The following SRRM4 variants were observed in gnomAD, a reference collection of about 807,000 sequenced individuals.
SRRM4 encodes serine/arginine repetitive matrix 4.
Under a neutral mutation model 68.9 loss-of-function variants are expected in SRRM4, and 33 were observed. That is an observed-to-expected ratio of 0.48 (90% CI 0.36 to 0.64). The LOEUF (loss-of-function observed/expected upper bound fraction) is 0.64, where lower values mean the gene tolerates loss of function less well. Ranked by LOEUF, SRRM4 falls within the 30% of genes least tolerant of loss-of-function variation. The probability of loss-of-function intolerance (pLI) is 0.00; values close to 1 mark genes in which losing one functional copy is unlikely to be tolerated. For synonymous variants in SRRM4, 318 were observed against 318.8 expected, an observed-to-expected ratio of 1.00 and a Z score of 0.03; for missense variants, 817 against 827.1, an observed-to-expected ratio of 0.99 and a Z score of 0.15.
At chr12:119,098,196 C>G (rs1185220139) in intron 1 of SRRM4, among the ~76,000 whole-genome samples, 1 of 152,184 alleles carries the variant, frequency 6.6e-6, no homozygotes, top group Non-Finnish European at 1.5e-5. Flanking sequence ...CACCAGCTTG[C>G]CAGCCATATG....
chr12:118,997,730 T>A (rs6490224), intron 1 of SRRM4, among the ~76,000 whole-genome samples: 117,926 of 152,168 alleles, frequency 0.77, 46,252 homozygotes, highest in Middle Eastern at 0.91. Flanking sequence ...AGAGGGAAAA[T>A]ATCCACATAG....
At chr12:119,114,434 G>A in intron 3 of SRRM4, 70 bp downstream of exon 3, 2 of 1,284,888 alleles carry the variant, frequency 1.6e-6, no homozygotes, top group Non-Finnish European at 2.2e-6. Context: ...TTCAAAGTCA[G>A]ACAGTGGCTC....
In SRRM4 at chr12:118,981,873, TG is replaced by T; in HGVS notation, c.-7del. 1 of 1,613,044 alleles carries T rather than the reference TG, an allele frequency of 6.2e-7. No homozygotes were observed. The highest frequency in any genetic ancestry group is 1.3e-5 in the African/African-American group (1 of 75,000). On this transcript the variant is annotated 5_prime_UTR_variant, in exon 1 of 13. Transcript: ENST00000267260. The stretch of plus-strand genomic sequence containing the variant: ...AGCGCCCCGGACGCCCCGGCCCCTT[TG>T]GGTTGGCGATGGCGAGCGTTCAGCA...
At chr12:119,065,074 G>A (rs1169773793) in intron 1 of SRRM4, among the ~76,000 whole-genome samples, 2 of 152,030 alleles carry the variant, frequency 1.3e-5, no homozygotes, top group Admixed American at 6.6e-5. Context: ...AATGAGGTGG[G>A]TACTATTAAC....
At chr12:119,000,463 AT>A (rs2135993026) in intron 1 of SRRM4, among the ~76,000 whole-genome samples, 1 of 152,244 alleles carries the variant, frequency 6.6e-6, no homozygotes, top group South Asian at 2.1e-4. Context: ...TTTCCAATAC[AT>A]TTGACCCCAG....
rs1323395559 is a variant in SRRM4 at position 119,154,667 on chromosome 12, G to A, written c.1532+284G>A. Among the ~76,000 whole-genome samples, 1 of 151,854 alleles carries A rather than the reference G, an allele frequency of 6.6e-6. No homozygotes were observed. The highest frequency in any genetic ancestry group is 1.5e-5 in the Non-Finnish European group (1 of 68,010). On this transcript the variant is annotated intron_variant, in intron 12 of 12. Transcript: ENST00000267260. The surrounding 1 kb of genome is among the most constrained non-coding windows in gnomAD (Gnocchi z 4.7). ...GGCCAAAGCCTGAGGGTGGAGCTGG[G>A]GCCGGGGAGGTGGAGCTGGGGCCGG... is the stretch of plus-strand genomic sequence containing the variant.
chr12:119,045,894 C>G, intron 1 of SRRM4, among the ~76,000 whole-genome samples: 1 of 151,874 alleles, frequency 6.6e-6, no homozygotes, highest in East Asian at 1.9e-4. Flanking sequence ...AAAAATTAGC[C>G]AGGCGTGGTG....
chr12:119,087,721 A>T (rs1307222393), intron 1 of SRRM4, among the ~76,000 whole-genome samples: 1 of 152,176 alleles, frequency 6.6e-6, no homozygotes, highest in Admixed American at 6.5e-5. Context: ...TGGGGGATGC[A>T]GAGACATGAT....
intron 1 of SRRM4, among the ~76,000 whole-genome samples, chr12:119,098,308 G>T (rs1196538643): frequency 6.6e-6 from 1 of 152,206 alleles, no homozygotes; most frequent in Non-Finnish European, 1.5e-5. Flanking sequence ...GAAATATGAG[G>T]TTGAACAGAG....
At chr12:119,026,518 AAATT>A (rs978779936) in intron 1 of SRRM4, among the ~76,000 whole-genome samples, 50 of 152,090 alleles carry the variant, frequency 3.3e-4, no homozygotes, top group African/African-American at 9.4e-4. Context: ...TCCTTTTTCT[AAATT>A]AATTAATGTT....
chr12:119,084,516 T>C (rs1482370739), intron 1 of SRRM4, among the ~76,000 whole-genome samples: 1 of 152,186 alleles, frequency 6.6e-6, no homozygotes, highest in Non-Finnish European at 1.5e-5. Context: ...GTAGCTACAC[T>C]GATAGTGAGA....
chr12:119,129,921 T>TGGATGGA (rs1954283940), intron 7 of SRRM4, among the ~76,000 whole-genome samples: 3 of 63,478 alleles, frequency 4.7e-5, no homozygotes, highest in African/African-American at 1.1e-4. Context: ...GGATGGATGG[T>TGGATGGA]TAGATGGTTA....
chr12:119,012,102 T>A (rs974798583), intron 1 of SRRM4, among the ~76,000 whole-genome samples: 2 of 152,244 alleles, frequency 1.3e-5, no homozygotes, highest in Non-Finnish European at 2.9e-5. Flanking sequence ...TATAAATCAA[T>A]AGTTTTTACA....
chr12:119,109,212 C>T (rs1026870213), intron 2 of SRRM4, among the ~76,000 whole-genome samples: 3 of 152,096 alleles, frequency 2.0e-5, no homozygotes, highest in Non-Finnish European at 2.9e-5. Context: ...GATGGGCTTC[C>T]CTTTGTGGGT....
intron 1 of SRRM4, among the ~76,000 whole-genome samples, chr12:118,996,300 G>T (rs1280511261): frequency 6.6e-6 from 1 of 152,066 alleles, no homozygotes; most frequent in African/African-American, 2.4e-5. Flanking sequence ...GAGGTCTTTT[G>T]CTGTGCATAT....
At chr12:119,114,678 T>C in intron 3 of SRRM4, among the ~76,000 whole-genome samples, 1 of 146,856 alleles carries the variant, frequency 6.8e-6, no homozygotes, top group Non-Finnish European at 1.5e-5. Flanking sequence ...TTTTTTTTTT[T>C]TTTTGAGACG....
At chr12:119,017,661 AG>A (rs1470439915) in intron 1 of SRRM4, among the ~76,000 whole-genome samples, 1 of 152,124 alleles carries the variant, frequency 6.6e-6, no homozygotes, top group Non-Finnish European at 1.5e-5. Context: ...ACAAAGAAAG[AG>A]TGGAGTCCAT....
intron 1 of SRRM4, chr12:118,993,766 G>C (rs1274552485): frequency 6.6e-6 from 1 of 152,228 alleles, no homozygotes; most frequent in Non-Finnish European, 1.5e-5. Context: ...CTTGCCTAAA[G>C]TCTCACAAGC....
chr12:119,026,124 G>C (rs1209426618), intron 1 of SRRM4, among the ~76,000 whole-genome samples: 1 of 151,926 alleles, frequency 6.6e-6, no homozygotes, highest in Non-Finnish European at 1.5e-5. Flanking sequence ...ATCTGGGTTT[G>C]GTTTTATTCT....
Sources: gnomAD v4.1 joint callset for allele counts (sites outside exome capture counted in the v4.1 genomes callset) on GRCh38, gnomAD v4.1.1 for gene constraint, Gnocchi (gnomAD v3.1) non-coding constraint, MANE v1.5 for transcripts, NCBI Gene and HGNC (gene_info 2026-07-23, HGNC 2026-07-21) for gene names.